Variants in ATXN1 observed in about 807,000 individuals in gnomAD.
ATXN1 encodes ataxin-1.
ATXN1 carries 8 observed loss-of-function variants against 56.4 expected under a neutral mutation model. The observed-to-expected ratio is 0.14, with a 90% CI of 0.08 to 0.26. ATXN1 has a LOEUF of 0.26. Ranked by LOEUF, ATXN1 falls within the 10% of genes least tolerant of loss-of-function variation. The pLI, the probability that ATXN1 is intolerant of heterozygous loss-of-function variation, is 1.00. For synonymous variants in ATXN1, 514 were observed against 494.6 expected (o/e 1.04, Z -0.52); for missense variants, 987 against 1,106.5 (o/e 0.89, Z 1.53).
chr6:16,326,728 G>T lies in ATXN1; in HGVS notation c.1583C>A (p.Pro528His), dbSNP rs777893178. The change falls in exon 7 of 8, where the codon CCC becomes CAC. Residue 528 changes from proline (P) to histidine (H), a missense_variant. Physicochemically the swap from Pro to His is moderately conservative, Grantham distance 77 (BLOSUM62 -2). Coordinates refer to ENST00000436367, the MANE Select transcript of ATXN1 (RefSeq NM_001128164.2). This position sits in a 1 kb window ranked among gnomAD's most constrained non-coding sequence, Gnocchi z 6.6. The stretch of plus-strand genomic sequence containing the variant: ...CTCAGGGTTGAAGTTCTCGCTCTTG[G>T]GAAGGGCGGTGGTGACGAACGTGTG... ...VPHTFVTTAL[P>H]KSENFNPEAL... 5.0e-6 allele frequency: 8 copies of T among 1,613,678 alleles called. No individual in the cohort carries two copies. Among genetic ancestry groups the T allele is most frequent in the Non-Finnish European group, 5.1e-6 (6 of 1,180,006 alleles).
chr6:16,719,547 G>T (rs1226593572), intron 2 of ATXN1, among the ~76,000 whole-genome samples: 1 of 152,186 alleles, frequency 6.6e-6, no homozygotes, highest in Non-Finnish European at 1.5e-5. Context: ...GGCTTAGAAT[G>T]AAAGATTAAA....
At chr6:16,515,957 C>G (rs1761175198) in intron 5 of ATXN1, among the ~76,000 whole-genome samples, 1 of 152,098 alleles carries the variant, frequency 6.6e-6, no homozygotes, top group South Asian at 2.1e-4. Flanking sequence ...GGAACAAGGT[C>G]AGAAAGACAA....
At chr6:16,321,941 G>T (rs1581687460) in intron 7 of ATXN1, among the ~76,000 whole-genome samples, 1 of 152,338 alleles carries the variant, frequency 6.6e-6, no homozygotes, top group African/African-American at 2.4e-5. Context: ...ATCATACGTG[G>T]CCGGGCGCCG....
intron 6 of ATXN1, among the ~76,000 whole-genome samples, chr6:16,452,431 T>G (rs1759772832): frequency 6.6e-6 from 1 of 152,184 alleles, no homozygotes; most frequent in Non-Finnish European, 1.5e-5. Flanking sequence ...AGGAAAACAT[T>G]TAGGATTATC....
intron 7 of ATXN1, among the ~76,000 whole-genome samples, chr6:16,307,943 C>G (rs1435496798): frequency 6.6e-6 from 1 of 152,170 alleles, no homozygotes; most frequent in Non-Finnish European, 1.5e-5. Flanking sequence ...CACCTGAGGT[C>G]AGGAGTTTGA....
At chr6:16,712,714 GC>G (rs1471563427) in intron 2 of ATXN1, among the ~76,000 whole-genome samples, 3 of 109,154 alleles carry the variant, frequency 2.7e-5, no homozygotes, top group African/African-American at 1.2e-4. Context: ...CTCCGTTTTT[GC>G]TTTTTTTTTT....
At chr6:16,505,655 A>AAT (rs1760970347) in intron 5 of ATXN1, among the ~76,000 whole-genome samples, 1 of 152,204 alleles carries the variant, frequency 6.6e-6, no homozygotes, top group Non-Finnish European at 1.5e-5. Context: ...TTGACTACTT[A>AAT]TGGAGGACTT....
At chr6:16,604,303 C>A (rs151325754) in intron 3 of ATXN1, among the ~76,000 whole-genome samples, 197 of 128,526 alleles carry the variant, frequency 1.5e-3, no homozygotes, top group African/African-American at 5.8e-3. Flanking sequence ...CCAGCCTGGG[C>A]AACACAGCAA....
intron 4 of ATXN1, among the ~76,000 whole-genome samples, chr6:16,551,576 T>C (rs1390965878): frequency 6.6e-6 from 1 of 152,114 alleles, no homozygotes; most frequent in Non-Finnish European, 1.5e-5. Context: ...TGCTGAGTAA[T>C]TTGAGTTGAT....
At chr6:16,696,038 G>A (rs957603498) in intron 2 of ATXN1, among the ~76,000 whole-genome samples, 5 of 152,010 alleles carry the variant, frequency 3.3e-5, no homozygotes, top group East Asian at 1.9e-4. Flanking sequence ...TAAATATCAC[G>A]TATACCGACA....
chr6:16,309,944 G>C (rs180007), intron 7 of ATXN1, among the ~76,000 whole-genome samples: 2 of 152,086 alleles, frequency 1.3e-5, no homozygotes, highest in South Asian at 4.1e-4. Context: ...TGAGGCAGGA[G>C]AATCACTTGA....
intron 1 of ATXN1, among the ~76,000 whole-genome samples, chr6:16,756,118 C>T (rs1331388124): frequency 6.6e-6 from 1 of 151,492 alleles, no homozygotes; most frequent in African/African-American, 2.4e-5. Context: ...TATTACTACA[C>T]TAATAAAGAC....
chr6:16,504,522 G>T (rs1441930822), intron 5 of ATXN1, among the ~76,000 whole-genome samples: 3 of 152,102 alleles, frequency 2.0e-5, no homozygotes, highest in Non-Finnish European at 1.5e-5. Flanking sequence ...AGAAATCAAA[G>T]AAAACTGGTA....
At chr6:16,752,134 G>T (rs1182131531) in intron 2 of ATXN1, among the ~76,000 whole-genome samples, 2 of 152,112 alleles carry the variant, frequency 1.3e-5, no homozygotes, top group African/African-American at 4.8e-5. Context: ...TTTCTTCAAA[G>T]AAATCTGGTC....
chr6:16,417,303 G>A (rs1758931182), intron 6 of ATXN1, among the ~76,000 whole-genome samples: 1 of 151,958 alleles, frequency 6.6e-6, no homozygotes, highest in South Asian at 2.1e-4. Flanking sequence ...CCAAGTCACT[G>A]GGATTACAGG....
chr6:16,668,820 T>A (rs1758482893), intron 2 of ATXN1, among the ~76,000 whole-genome samples: 1 of 152,006 alleles, frequency 6.6e-6, no homozygotes, highest in African/African-American at 2.4e-5. Context: ...TTACTTTATT[T>A]TATTTTGAGA....
chr6:16,677,616 C>T (rs1016667802), intron 2 of ATXN1, among the ~76,000 whole-genome samples: 7 of 152,094 alleles, frequency 4.6e-5, no homozygotes, highest in African/African-American at 1.7e-4. Flanking sequence ...TTCATTCACA[C>T]CAGAAAAAGC....
At chr6:16,537,793 T>G (rs1761633713) in intron 4 of ATXN1, among the ~76,000 whole-genome samples, 1 of 151,468 alleles carries the variant, frequency 6.6e-6, no homozygotes. Context: ...AAAACAGACT[T>G]CGATTTGGAA....
chr6:16,330,745 T>C (rs1760968386), intron 6 of ATXN1, among the ~76,000 whole-genome samples: 1 of 152,120 alleles, frequency 6.6e-6, no homozygotes, highest in African/African-American at 2.4e-5. Flanking sequence ...ATGAACATCA[T>C]AATGAAATGA....
Sources: allele counts gnomAD v4.1 joint callset (sites outside exome capture counted in the v4.1 genomes callset), GRCh38; gene constraint gnomAD v4.1.1; non-coding constraint Gnocchi (gnomAD v3.1); transcripts MANE v1.5; gene names NCBI Gene and HGNC (gene_info 2026-07-23, HGNC 2026-07-21).